Variants in CSDC2 observed in about 807,000 individuals in gnomAD.
CSDC2 encodes the protein cold shock domain containing C2.
In CSDC2, 8 loss-of-function variants were observed where a neutral mutation model predicts 15.8. The ratio of observed to expected loss-of-function variants is 0.51; its 90% CI spans 0.30 to 0.92. CSDC2 has a LOEUF of 0.92. Ranked by LOEUF, CSDC2 falls within the 40% of genes least tolerant of loss-of-function variation. The pLI is 0.07. For missense variants in CSDC2, 195 were observed against 213.3 expected (o/e 0.91, Z 0.53); for synonymous variants, 96 against 92.3 (o/e 1.04, Z -0.23).
rs1033083021 is a variant in CSDC2 at position 41,575,149 on chromosome 22, T to C, written c.*254T>C. 2.5e-5 allele frequency: 14 copies of C among 551,716 alleles called. No individual in the cohort carries two copies. The highest frequency in any genetic ancestry group is 2.3e-4 in the African/African-American group (12 of 52,804). The allele number at this position is 551,716 out of a possible 1,614,324, so 34.2% of individuals were successfully genotyped here. Reference sequence around the variant, plus strand: ...CCAGACCTGGCTTCGCGCTGTCCACTGCCTCTCTCCTCCCCTCCCTGCCGC... The same window carrying C: ...CCAGACCTGGCTTCGCGCTGTCCACCGCCTCTCTCCTCCCCTCCCTGCCGC... On this transcript the variant is annotated 3_prime_UTR_variant, in exon 4 of 4. Transcript: ENST00000306149.
At chr22:41,574,256 C>A (rs1352347997) in intron 3 of CSDC2, among the ~76,000 whole-genome samples, 1 of 148,940 alleles carries the variant, frequency 6.7e-6, no homozygotes, top group Non-Finnish European at 1.5e-5. Context: ...TTTATGAGTC[C>A]CATTTTATTT....
chr22:41,564,846 G>C (rs979529694), intron 1 of CSDC2, among the ~76,000 whole-genome samples: 6 of 152,114 alleles, frequency 3.9e-5, no homozygotes, highest in African/African-American at 1.4e-4. Context: ...TCCCTAATCC[G>C]CTCAGACTGA....
chr22:41,574,755 G>C lies in CSDC2; in HGVS notation c.322G>C (p.Val108Leu), dbSNP rs367817413. The change falls in exon 4 of 4, where the codon GTG (valine) becomes CTG (leucine). Residue 108 changes from valine (V) to leucine (L), a missense_variant. Coordinates refer to ENST00000306149, the MANE Select transcript of CSDC2 (RefSeq NM_014460.4). ...VSDIEGEYVP[V>L]EGDEVTYKMC... is the part of the protein sequence containing the mutation. ...CAGCATCGAGGGGGAGTACGTGCCA[G>C]TGGAGGGCGACGAGGTGACCTACAA... 2.5e-6 allele frequency: 4 copies of C among 1,613,820 alleles called. No homozygotes were observed. The highest frequency in any genetic ancestry group is 3.4e-6 in the Non-Finnish European group (4 of 1,180,028).
chr22:41,569,510 C>T (rs2067134103), intron 1 of CSDC2, among the ~76,000 whole-genome samples: 2 of 152,168 alleles, frequency 1.3e-5, no homozygotes, highest in South Asian at 4.1e-4. Flanking sequence ...GAATCATGCC[C>T]TCTGTGTTTT....
At chr22:41,562,972 C>A (rs2067095576) in intron 1 of CSDC2, among the ~76,000 whole-genome samples, 1 of 152,094 alleles carries the variant, frequency 6.6e-6, no homozygotes, top group Admixed American at 6.6e-5. Flanking sequence ...TAGGGTCGCA[C>A]AGCCAAGCAC....
chr22:41,563,616 C>G (rs1174180618), intron 1 of CSDC2, among the ~76,000 whole-genome samples: 7 of 152,116 alleles, frequency 4.6e-5, no homozygotes, highest in Non-Finnish European at 8.8e-5. Flanking sequence ...GAATTCCACA[C>G]CCGACTCCTC....
At chr22:41,568,643 G>T in intron 1 of CSDC2, among the ~76,000 whole-genome samples, 1 of 152,204 alleles carries the variant, frequency 6.6e-6, no homozygotes, top group South Asian at 2.1e-4. Context: ...TGCAATGGGC[G>T]ACAGGGGAGA....
At chr22:41,564,039 G>A (rs1490188230) in intron 1 of CSDC2, among the ~76,000 whole-genome samples, 2 of 147,666 alleles carry the variant, frequency 1.4e-5, no homozygotes, top group African/African-American at 2.5e-5. Flanking sequence ...AGCCGAGATC[G>A]CACCACTGCA....
At chr22:41,567,039 G>A (rs1459596132) in intron 1 of CSDC2, among the ~76,000 whole-genome samples, 1 of 152,144 alleles carries the variant, frequency 6.6e-6, no homozygotes, top group Non-Finnish European at 1.5e-5. Context: ...TCGTTCTGAA[G>A]GGCATTATTC....
intron 2 of CSDC2, 58 bp downstream of exon 2, chr22:41,572,199 C>T (rs1403335558): frequency 8.1e-7 from 1 of 1,240,980 alleles, no homozygotes; most frequent in Non-Finnish European, 1.0e-6. Flanking sequence ...GGCTGACCAT[C>T]CCCATCCTCT....
chr22:41,562,542 G>A (rs2067092678), intron 1 of CSDC2, among the ~76,000 whole-genome samples: 1 of 152,126 alleles, frequency 6.6e-6, no homozygotes, highest in South Asian at 2.1e-4. Flanking sequence ...GGATGCGCAG[G>A]GGGATTCCCT....
intron 1 of CSDC2, among the ~76,000 whole-genome samples, chr22:41,561,935 C>A (rs1286769401): frequency 6.6e-6 from 1 of 152,178 alleles, no homozygotes; most frequent in Non-Finnish European, 1.5e-5. Flanking sequence ...AATGGCCTGA[C>A]CCTGGCACAA....
At chr22:41,570,855 G>C (rs977958737) in intron 1 of CSDC2, among the ~76,000 whole-genome samples, 2 of 151,368 alleles carry the variant, frequency 1.3e-5, no homozygotes, top group African/African-American at 4.9e-5. Context: ...CTAGGTGTGA[G>C]GGTGCATGCT....
At chr22:41,562,403 C>T (rs2145594328) in intron 1 of CSDC2, among the ~76,000 whole-genome samples, 1 of 73,468 alleles carries the variant, frequency 1.4e-5, no homozygotes, top group South Asian at 7.0e-4. Context: ...TCCTCACCCC[C>T]TTCAAAAAAA....
intron 1 of CSDC2, among the ~76,000 whole-genome samples, chr22:41,561,845 G>C (rs951166555): frequency 6.6e-6 from 1 of 152,224 alleles, no homozygotes; most frequent in Non-Finnish European, 1.5e-5. Context: ...CGGAGGGCAG[G>C]GGTGATAAGT....
intron 1 of CSDC2, among the ~76,000 whole-genome samples, chr22:41,565,923 C>T (rs1235972497): frequency 6.6e-6 from 1 of 152,170 alleles, no homozygotes; most frequent in Non-Finnish European, 1.5e-5. Context: ...GCCGGGGGGC[C>T]TTTGACACAG....
intron 1 of CSDC2, among the ~76,000 whole-genome samples, chr22:41,571,295 A>C (rs1285324652): frequency 6.6e-6 from 1 of 152,202 alleles, no homozygotes; most frequent in Non-Finnish European, 1.5e-5. Context: ...CAGAGGCTGC[A>C]GTGAGCCGAG....
intron 1 of CSDC2, among the ~76,000 whole-genome samples, chr22:41,568,345 G>A (rs1601994409): frequency 6.6e-6 from 1 of 151,474 alleles, no homozygotes; most frequent in Non-Finnish European, 1.5e-5. Context: ...CTGCAGAGGC[G>A]TGATCTCCGC....
chr22:41,571,879 C>G lies in CSDC2; in HGVS notation c.-87C>G. 5.5e-6 allele frequency: 5 copies of G among 906,298 alleles called. No homozygotes were observed. The highest frequency in any genetic ancestry group is 6.0e-6 in the Non-Finnish European group (4 of 663,674). The allele number at this position is 906,298 out of a possible 1,614,324, so 56.1% of individuals were successfully genotyped here. A position where few individuals can be genotyped will look rare whatever the true frequency, so the allele number is the denominator to read the frequency against. ...GGCTGGTGAGGCCGCAGAGCAGGGC[C>G]AGGCCGGGCCCTGCCCGCAAGGACG... is the stretch of plus-strand genomic sequence containing the variant. On this transcript the variant is annotated 5_prime_UTR_variant, in exon 2 of 4. Transcript: ENST00000306149.
Sources: allele counts gnomAD v4.1 joint callset (sites outside exome capture counted in the v4.1 genomes callset), GRCh38; gene constraint gnomAD v4.1.1; transcripts MANE v1.5; gene names NCBI Gene and HGNC (gene_info 2026-07-23, HGNC 2026-07-21).